ACOT12: variants seen among roughly 807,000 people sequenced by gnomAD.
ACOT12 encodes acetyl-coenzyme A thioesterase.
Under a neutral mutation model 67.7 loss-of-function variants are expected in ACOT12, and 51 were observed. The observed-to-expected ratio is 0.75, with a 90% CI of 0.60 to 0.95. The LOEUF (loss-of-function observed/expected upper bound fraction) is 0.95. ACOT12 is among the 40% of genes least tolerant of loss of function. The pLI, the probability that ACOT12 is intolerant of heterozygous loss-of-function variation, is 0.00. For missense variants in ACOT12, 734 were observed against 708.1 expected, an observed-to-expected ratio of 1.04 and a Z score of -0.41; for synonymous variants, 251 against 244.6, an observed-to-expected ratio of 1.03 and a Z score of -0.24.
At chr5:81,312,362 G>A in the ACOT12 span, among the ~76,000 whole-genome samples, 1 of 152,104 alleles carries the variant, frequency 6.6e-6, no homozygotes, top group African/African-American at 2.4e-5. Context: ...AATTGCCTGT[G>A]GTACTCTGAA....
the ACOT12 span, among the ~76,000 whole-genome samples, chr5:81,310,829 C>G: frequency 6.6e-6 from 1 of 152,194 alleles, no homozygotes. Context: ...ATCTGACATG[C>G]TATTCAGGAA....
chr5:81,359,878 A>C (rs1416632519), intron 5 of ACOT12, 25 bp downstream of exon 5: 1 of 1,590,560 alleles, frequency 6.3e-7, no homozygotes, highest in African/African-American at 1.4e-5. Context: ...ATAGAATTAA[A>C]ATTCTTATAA....
downstream of ACOT12, among the ~76,000 whole-genome samples, chr5:81,325,260 G>T (rs911313854): frequency 6.6e-6 from 1 of 152,136 alleles, no homozygotes; most frequent in African/African-American, 2.4e-5. Context: ...CCTGAGTCAG[G>T]GTAAGAGACA....
At chr5:81,342,811 T>A in intron 10 of ACOT12, 56 bp from the exon 11 acceptor site, 2 of 1,556,156 alleles carry the variant, frequency 1.3e-6, no homozygotes, top group East Asian at 4.5e-5. Flanking sequence ...GGATGTGTGA[T>A]CATATATTTT....
chr5:81,371,683 C>T (rs1760258305), intron 3 of ACOT12, 67 bp downstream of exon 3: 14 of 1,491,890 alleles, frequency 9.4e-6, no homozygotes, highest in South Asian at 1.1e-5. Context: ...AGGCCTCCTG[C>T]TCTACCCTTT....
intron 1 of ACOT12, among the ~76,000 whole-genome samples, chr5:81,390,089 G>T (rs1183967278): frequency 6.7e-6 from 1 of 150,182 alleles, no homozygotes; most frequent in Non-Finnish European, 1.5e-5. Context: ...TGAGTAGCTG[G>T]GACTACAGGT....
intron 3 of ACOT12, among the ~76,000 whole-genome samples, chr5:81,366,064 G>T (rs1647429849): frequency 6.6e-6 from 1 of 152,314 alleles, no homozygotes; most frequent in South Asian, 2.1e-4. Flanking sequence ...GTTCTCTCCA[G>T]CCAGATTTCA....
At chr5:81,351,853 C>G (rs2153851593) in intron 5 of ACOT12, among the ~76,000 whole-genome samples, 1 of 152,198 alleles carries the variant, frequency 6.6e-6, no homozygotes, top group Admixed American at 6.5e-5. Context: ...GAAAGCTATC[C>G]ATCTGATAAG....
chr5:81,342,618 C>T, intron 11 of ACOT12, 54 bp downstream of exon 11: 1 of 1,576,970 alleles, frequency 6.3e-7, no homozygotes, highest in Non-Finnish European at 8.7e-7. Flanking sequence ...ACCACCACCA[C>T]AGCTTTCGTT....
chr5:81,333,290 T>C (rs967460514), intron 12 of ACOT12, among the ~76,000 whole-genome samples: 5 of 152,160 alleles, frequency 3.3e-5, no homozygotes, highest in African/African-American at 7.2e-5. Context: ...CCAAGAAGGA[T>C]TGTTTATATA....
At chr5:81,352,345 G>T (rs1204389520) in intron 5 of ACOT12, among the ~76,000 whole-genome samples, 3 of 152,140 alleles carry the variant, frequency 2.0e-5, no homozygotes, top group Admixed American at 6.5e-5. Context: ...GCTAAAATTT[G>T]GAAGCAACCT....
At chr5:81,379,570 T>C (rs1760519908) in intron 2 of ACOT12, among the ~76,000 whole-genome samples, 1 of 152,060 alleles carries the variant, frequency 6.6e-6, no homozygotes, top group Admixed American at 6.6e-5. Flanking sequence ...GAGGTGGGCA[T>C]TATCATTCCC....
chr5:81,319,797 C>A, the ACOT12 span, among the ~76,000 whole-genome samples: 1 of 150,732 alleles, frequency 6.6e-6, no homozygotes, highest in East Asian at 1.9e-4. Flanking sequence ...ACCCCACCCA[C>A]CCTACCCTAA....
chr5:81,325,287 A>G (rs1336716596), downstream of ACOT12, among the ~76,000 whole-genome samples: 2 of 152,232 alleles, frequency 1.3e-5, no homozygotes, highest in Non-Finnish European at 2.9e-5. Context: ...GCTTGAGGGA[A>G]GAGGACTCAG....
At chr5:81,349,005 C>T (rs184043574) in intron 5 of ACOT12, among the ~76,000 whole-genome samples, 57 of 152,352 alleles carry the variant, frequency 3.7e-4, no homozygotes, top group African/African-American at 1.1e-3. Flanking sequence ...GAACCACCGG[C>T]TAGGTTTCCA....
rs528335541 is a variant in ACOT12, at chr5:81,338,644, C to T, written c.1129-2743G>A. 5.9e-5 allele frequency among the ~76,000 whole-genome samples: 9 copies of T among 152,262 alleles called. No individual in the cohort carries two copies. The South Asian group carries it at 1.7e-3, about 28-fold the overall frequency. ...GGATGAACTAATACGCCAACTCAAA[C>T]GTTTTCTTTATCATTTGATGGTTGG... On this transcript the variant is annotated intron_variant, in intron 11 of 14. Coordinates refer to ENST00000307624, the MANE Select transcript of ACOT12 (RefSeq NM_130767.3).
In ACOT12 at chr5:81,347,913, C is replaced by T; in HGVS notation, c.514G>A (p.Glu172Lys). The T allele has an allele frequency of 1.9e-6, 3 of 1,613,188 alleles. No homozygotes were observed. Among genetic ancestry groups the T allele is most frequent in the Non-Finnish European group, 2.5e-6 (3 of 1,179,614 alleles). The change falls in exon 6 of 15, where the codon GAG becomes AAG. Residue 172 changes from glutamate to lysine, a missense_variant. Coordinates refer to ENST00000307624, the MANE Select transcript of ACOT12 (RefSeq NM_130767.3). Reference sequence around the variant, plus strand: ...CCCCTTGTGGAAACCGCTCCTTCCTCTTCATCAAAAATGAGATCTGAAAGG... The same window carrying T: ...CCCCTTGTGGAAACCGCTCCTTCCTTTTCATCAAAAATGAGATCTGAAAGG... ...SKFDDLIFDEEEGAVSTRGTS... is the reference protein window; with the variant it reads ...SKFDDLIFDEKEGAVSTRGTS...
intron 4 of ACOT12, 56 bp downstream of exon 4, chr5:81,363,732 A>G: frequency 7.5e-7 from 1 of 1,329,892 alleles, no homozygotes; most frequent in Non-Finnish European, 1.0e-6. Flanking sequence ...TTCTGATGCA[A>G]TTGTTACTAT....
intron 12 of ACOT12, among the ~76,000 whole-genome samples, chr5:81,333,382 T>C (rs908187993): frequency 2.0e-5 from 3 of 152,230 alleles, no homozygotes; most frequent in Admixed American, 2.0e-4. Context: ...TGCCACTTAC[T>C]CGCTACATAA....
Sources: gnomAD v4.1 joint callset for allele counts (sites outside exome capture counted in the v4.1 genomes callset) on GRCh38, gnomAD v4.1.1 for gene constraint, MANE v1.5 for transcripts, NCBI Gene and HGNC (gene_info 2026-07-23, HGNC 2026-07-21) for gene names.